The following DENND4A variants were observed in gnomAD, a reference collection of about 807,000 sequenced individuals.
DENND4A encodes the protein C-myc promoter-binding protein.
DENND4A carries 70 observed loss-of-function variants against 199.3 expected under a neutral mutation model. That is an observed-to-expected ratio of 0.35 (90% confidence interval 0.29 to 0.43). The LOEUF (loss-of-function observed/expected upper bound fraction) is 0.43. Ranked by LOEUF, DENND4A falls within the 20% of genes least tolerant of loss-of-function variation. The pLI is 1.00. For synonymous variants in DENND4A, 686 were observed against 766.9 expected (o/e 0.89, Z 1.74); for missense variants, 1,723 against 2,255.8 (o/e 0.76, Z 4.78).
At chr15:65,746,598 C>G (rs2076405432) in intron 4 of DENND4A, among the ~76,000 whole-genome samples, 1 of 151,130 alleles carries the variant, frequency 6.6e-6, no homozygotes, top group Admixed American at 6.6e-5. Context: ...GTTGGCCAGG[C>G]TGGTCACGAA....
chr15:65,783,193 G>A (rs543478769), intron 1 of DENND4A, among the ~76,000 whole-genome samples: 2 of 152,278 alleles, frequency 1.3e-5, no homozygotes, highest in East Asian at 3.9e-4. Context: ...AAAAAGAACT[G>A]TATATAAGCA....
chr15:65,703,645 G>A (rs16948965), intron 15 of DENND4A, among the ~76,000 whole-genome samples: 31 of 152,154 alleles, frequency 2.0e-4, no homozygotes, highest in African/African-American at 5.8e-4. Flanking sequence ...ATAAGGGTGC[G>A]AGACCAAGAT....
intron 4 of DENND4A, among the ~76,000 whole-genome samples, chr15:65,744,273 G>A (rs1366804760): frequency 6.6e-6 from 1 of 152,194 alleles, no homozygotes; most frequent in Non-Finnish European, 1.5e-5. Flanking sequence ...GGAGAAGACT[G>A]TGGATAAAGC....
chr15:65,714,780 C>T (rs1047453333), intron 14 of DENND4A, among the ~76,000 whole-genome samples: 1 of 152,192 alleles, frequency 6.6e-6, no homozygotes, highest in Non-Finnish European at 1.5e-5. Context: ...CATGGATACC[C>T]TCTTTAAACT....
At chr15:65,774,944 T>G (rs1258468883) in intron 1 of DENND4A, among the ~76,000 whole-genome samples, 2 of 149,238 alleles carry the variant, frequency 1.3e-5, no homozygotes, top group Non-Finnish European at 3.0e-5. Flanking sequence ...CAATTATAGC[T>G]CACCTTAACT....
intron 1 of DENND4A, among the ~76,000 whole-genome samples, chr15:65,783,999 G>A (rs2077501264): frequency 6.6e-6 from 1 of 152,106 alleles, no homozygotes; most frequent in Admixed American, 6.5e-5. Context: ...CACTAGCTCA[G>A]CCTGGTGACC....
At chr15:65,771,343 ATCT>A in intron 1 of DENND4A, 1 of 1,589,600 alleles carries the variant, frequency 6.3e-7, no homozygotes. Flanking sequence ...TAGTCACATA[ATCT>A]TCCTCCACAC....
chr15:65,750,066 G>A (rs1212298222), intron 4 of DENND4A, among the ~76,000 whole-genome samples: 1 of 152,084 alleles, frequency 6.6e-6, no homozygotes, highest in Non-Finnish European at 1.5e-5. Context: ...TAATTAAGTA[G>A]AAAGTTAAAT....
Position 65,729,681 on chromosome 15 carries a change from G to A in DENND4A, c.1167-3C>T, listed in dbSNP as rs1422707064. 1.9e-6 allele frequency: 3 copies of A among 1,544,792 alleles called. No individual in the cohort carries two copies. Among genetic ancestry groups the A allele is most frequent in the Middle Eastern group, 3.4e-4 (2 of 5,956 alleles). On this transcript the variant is annotated splice_region_variant and splice_polypyrimidine_tract_variant and intron_variant, in intron 9 of 32. Coordinates refer to ENST00000443035, the MANE Select transcript of DENND4A (RefSeq NM_001320835.1). ...GTAGTGTTGAAAACTTGCCACCACT[G>A]TCAATCCAAACAAAAATATATAATT...
intron 4 of DENND4A, 81 bp from the exon 5 acceptor site, chr15:65,741,865 G>T: frequency 8.9e-7 from 1 of 1,127,422 alleles, no homozygotes. Context: ...GAGCTCTCTA[G>T]TATGTATTAT....
At chr15:65,778,042 A>G (rs1032718368) in intron 1 of DENND4A, among the ~76,000 whole-genome samples, 4 of 152,120 alleles carry the variant, frequency 2.6e-5, no homozygotes, top group Admixed American at 2.0e-4. Context: ...CAAAAAAAAA[A>G]GGCTGTTAAG....
rs1566988028 is a variant in DENND4A at position 65,671,891 on chromosome 15, T to C, written c.4370-5A>G. ...AGGCAAACTTCGACAGAGATCCTGT[T>C]CATTAGTGAAAAACAAAGAACAGAA... On this transcript the variant is annotated splice_polypyrimidine_tract_variant and splice_region_variant and intron_variant, in intron 24 of 32. Transcript: ENST00000443035. 6.4e-7 allele frequency: 1 copy of C among 1,566,140 alleles called. No homozygotes were observed. Among genetic ancestry groups the C allele is most frequent in the Non-Finnish European group, 8.8e-7 (1 of 1,136,430 alleles).
intron 11 of DENND4A, among the ~76,000 whole-genome samples, chr15:65,723,319 T>C (rs946310914): frequency 2.0e-5 from 3 of 152,126 alleles, no homozygotes; most frequent in African/African-American, 2.4e-5. Context: ...CCATAAGTTT[T>C]TTTCTTAAAT....
intron 16 of DENND4A, 62 bp from the exon 17 acceptor site, chr15:65,702,573 A>G (rs2074911921): frequency 1.5e-6 from 2 of 1,315,780 alleles, no homozygotes; most frequent in South Asian, 2.6e-5. Flanking sequence ...TATTTAACTG[A>G]GTGCTAAACA....
chr15:65,677,190 T>C (rs996451578), intron 23 of DENND4A, among the ~76,000 whole-genome samples: 18 of 152,122 alleles, frequency 1.2e-4, no homozygotes, highest in African/African-American at 4.3e-4. Flanking sequence ...TGTGTGTGCA[T>C]ATTGTTATTT....
intron 14 of DENND4A, among the ~76,000 whole-genome samples, chr15:65,712,956 G>A (rs367653793): frequency 9.2e-4 from 140 of 152,114 alleles, no homozygotes; most frequent in African/African-American, 3.3e-3. Flanking sequence ...CTTAATCTTT[G>A]AGAGTAAGCT....
intron 4 of DENND4A, among the ~76,000 whole-genome samples, chr15:65,743,385 C>A (rs1470597863): frequency 1.3e-5 from 2 of 152,184 alleles, no homozygotes; most frequent in African/African-American, 4.8e-5. Flanking sequence ...TTTGCACAGA[C>A]TGTTCCCTAT....
chr15:65,666,170 T>G (rs1057160856), intron 29 of DENND4A, among the ~76,000 whole-genome samples: 2 of 152,202 alleles, frequency 1.3e-5, no homozygotes, highest in Non-Finnish European at 2.9e-5. Context: ...CTATATATAC[T>G]GTATTTTCCT....
rs776932752 is a variant in DENND4A, at chr15:65,661,879, C to T, written c.5696G>A (p.Arg1899Gln). Reference protein sequence around the residue: ...RPPSTGVMECRKTFGEPYL With the variant: ...RPPSTGVMECQKTFGEPYL ...AAGATAAGGTTCTCCAAAGGTTTTT[C>T]GACATTCCATCACCCCTGTACTTGG... is the stretch of plus-strand genomic sequence containing the variant. The change falls in exon 33 of 33, where the codon CGA (arginine) becomes CAA (glutamine). Residue 1899 changes from arginine (R) to glutamine (Q), a missense_variant. Arg to Gln is a conservative substitution (Grantham distance 43). Around this residue, in one of 6 missense-constraint regions of DENND4A, gnomAD observed 164 missense variants for 280.1 expected, o/e 0.59. Transcript: ENST00000443035. 1.9e-6 allele frequency: 3 copies of T among 1,610,594 alleles called. No individual in the cohort carries two copies. The highest frequency in any genetic ancestry group is 2.5e-6 in the Non-Finnish European group (3 of 1,178,264).
Sources: allele counts gnomAD v4.1 joint callset (sites outside exome capture counted in the v4.1 genomes callset), GRCh38; gene constraint gnomAD v4.1.1; regional missense constraint gnomAD v4.1.1; transcripts MANE v1.5; gene names NCBI Gene and HGNC (gene_info 2026-07-23, HGNC 2026-07-21).